Variants in KLHL13 observed in about 807,000 individuals in gnomAD.
The protein encoded by KLHL13 is kelch-like protein 13.
KLHL13 carries 10 observed loss-of-function variants against 37.1 expected under a neutral mutation model. The ratio of observed to expected loss-of-function variants is 0.27; its 90% confidence interval spans 0.17 to 0.46. KLHL13 has a LOEUF of 0.46. KLHL13 is among the 20% of genes least tolerant of loss of function. The probability of loss-of-function intolerance (pLI) is 1.00; values close to 1 mark genes in which losing one functional copy is unlikely to be tolerated. For missense variants in KLHL13, 360 were observed against 509.3 expected, an observed-to-expected ratio of 0.71 and a Z score of 2.82; for synonymous variants, 163 against 181.2, an observed-to-expected ratio of 0.90 and a Z score of 0.81.
At chrX:117,921,538 A>T (rs1322033434) in intron 2 of KLHL13, among the ~76,000 whole-genome samples, 1 of 112,010 alleles carries the variant, frequency 8.9e-6, no homozygotes, top group Non-Finnish European at 1.9e-5. Flanking sequence ...ATTATAAAAA[A>T]CCAGGAAGAC....
chrX:118,103,602 A>G (rs2055313029), intron 1 of KLHL13, among the ~76,000 whole-genome samples: 1 of 111,968 alleles, frequency 8.9e-6, no homozygotes, highest in South Asian at 3.7e-4. Flanking sequence ...AAAGACACCT[A>G]TGTTCTTTAA....
chrX:118,020,906 C>T (rs2054199070), intron 1 of KLHL13, among the ~76,000 whole-genome samples: 1 of 102,101 alleles, frequency 9.8e-6, no homozygotes, highest in South Asian at 4.9e-4. Flanking sequence ...AAACCAAACA[C>T]CGCATATTCT....
intron 1 of KLHL13, among the ~76,000 whole-genome samples, chrX:118,010,676 C>T (rs1295289529): frequency 1.0e-5 from 1 of 96,304 alleles, no homozygotes; most frequent in African/African-American, 3.8e-5. Flanking sequence ...ACCAGCATGG[C>T]ACATGTATAC....
At chrX:117,938,677 T>C (rs781229776) in intron 2 of KLHL13, among the ~76,000 whole-genome samples, 2 of 111,809 alleles carry the variant, frequency 1.8e-5, no homozygotes, top group South Asian at 7.5e-4. Context: ...TCATGACTAC[T>C]ATGGGCATTA....
At chrX:118,030,399 T>C (rs1208367649) in intron 1 of KLHL13, among the ~76,000 whole-genome samples, 2 of 112,144 alleles carry the variant, frequency 1.8e-5, no homozygotes, top group African/African-American at 6.5e-5. Flanking sequence ...AAGGGAAAAA[T>C]CTATATCTAG....
chrX:118,037,221 C>T (rs371614342), intron 1 of KLHL13, among the ~76,000 whole-genome samples: 13 of 87,185 alleles, frequency 1.5e-4, no homozygotes, highest in Admixed American at 4.1e-4. Flanking sequence ...AAATACCATT[C>T]GACCCAGCCA....
At chrX:118,007,474 T>C (rs181150219) in intron 1 of KLHL13, among the ~76,000 whole-genome samples, 129 of 109,812 alleles carry the variant, frequency 1.2e-3, no homozygotes, top group Non-Finnish European at 2.1e-3. Context: ...TTTTCAATAA[T>C]GTGCCAGGGA....
At chrX:118,039,603 G>A (rs770317467) in intron 1 of KLHL13, among the ~76,000 whole-genome samples, 26 of 111,733 alleles carry the variant, frequency 2.3e-4, no homozygotes, top group African/African-American at 8.1e-4. Flanking sequence ...TAAGGTTTCC[G>A]ACTCTAGGCT....
At chrX:118,027,614 C>T (rs1249070619) in intron 1 of KLHL13, among the ~76,000 whole-genome samples, 2 of 108,027 alleles carry the variant, frequency 1.9e-5, no homozygotes, top group African/African-American at 3.4e-5. Context: ...CACTCACTCA[C>T]ACCCGCTCTC....
intron 1 of KLHL13, among the ~76,000 whole-genome samples, chrX:118,045,183 C>CT (rs2054545505): frequency 9.2e-6 from 1 of 109,071 alleles, no homozygotes. Context: ...ACCATCCTGG[C>CT]TAACACAGTG....
At chrX:117,962,210 CA>C (rs113774341) in intron 1 of KLHL13, among the ~76,000 whole-genome samples, 18 of 82,233 alleles carry the variant, frequency 2.2e-4, no homozygotes, top group East Asian at 1.1e-3. Context: ...ATCCCCATCT[CA>C]AAAAAAAAAA....
exon 7 of KLHL13, chrX:117,898,858 A>G (rs1602521853): frequency 2.6e-6 from 3 of 1,135,031 alleles, no homozygotes; most frequent in African/African-American, 1.8e-5. Context: ...AAGAGAATTT[A>G]TGACACATTG....
chrX:117,993,973 T>G (rs915400694), intron 1 of KLHL13, among the ~76,000 whole-genome samples: 5 of 109,957 alleles, frequency 4.5e-5, no homozygotes, highest in Non-Finnish European at 1.9e-5. Flanking sequence ...CGACCTCAGA[T>G]GATCCACCCA....
In KLHL13 at chrX:118,006,893, T is replaced by C. The variant is rs143730624; in HGVS notation, c.-55-61318A>G. Among the ~76,000 whole-genome samples the C allele has an allele frequency of 9.3e-3, 1,039 of 111,565 alleles. 17 individuals are homozygous for C. The highest frequency in any genetic ancestry group is 0.031 in the African/African-American group (961 of 30,727). On this transcript the variant is annotated intron_variant, in intron 1 of 6. Transcript: ENST00000371882. ...TAAAGGGAAATGGGAAGGAGTATAG[T>C]AGTATACTTGAAAGCTAGTATTAAT...
Position 117,991,195 on chromosome X carries a change from T to C in KLHL13, c.-55-45620A>G, listed in dbSNP as rs2053786063. Among the ~76,000 whole-genome samples the C allele has an allele frequency of 2.7e-5, 3 of 109,873 alleles. No individual in the cohort carries two copies. The South Asian group carries it at 1.2e-3, about 42-fold the overall frequency. ...GTTTTGCTAACATTAGACTTGAATT[T>C]TGGGACACAGAAACAGAATGTATAA... On this transcript the variant is annotated intron_variant, in intron 1 of 6. Coordinates refer to the KLHL13 transcript ENST00000371882.
intron 2 of KLHL13, among the ~76,000 whole-genome samples, chrX:117,927,646 A>G (rs1306306718): frequency 8.9e-6 from 1 of 112,696 alleles, no homozygotes; most frequent in Non-Finnish European, 1.9e-5. Context: ...ACTGCTCAAC[A>G]GTAAAAAGGA....
intron 2 of KLHL13, among the ~76,000 whole-genome samples, chrX:117,929,167 T>C (rs1036268463): frequency 8.9e-6 from 1 of 112,429 alleles, no homozygotes; most frequent in South Asian, 3.6e-4. Context: ...ATGTCTACTA[T>C]AAAATTAAAT....
At chrX:117,938,377 G>T (rs1280634755) in intron 2 of KLHL13, among the ~76,000 whole-genome samples, 1 of 111,137 alleles carries the variant, frequency 9.0e-6, no homozygotes, top group African/African-American at 3.3e-5. Flanking sequence ...GTGGAAGAAG[G>T]TCCCACCTCT....
intron 1 of KLHL13, among the ~76,000 whole-genome samples, chrX:118,005,090 C>T (rs2053966975): frequency 1.8e-5 from 2 of 111,561 alleles, no homozygotes; most frequent in South Asian, 7.6e-4. Flanking sequence ...GTCAATAACA[C>T]TTTTGGGATA....
Sources: allele counts gnomAD v4.1 joint callset (sites outside exome capture counted in the v4.1 genomes callset), GRCh38; gene constraint gnomAD v4.1.1; transcripts MANE v1.5; gene names NCBI Gene and HGNC (gene_info 2026-07-23, HGNC 2026-07-21).